DOCK3: variants seen among roughly 807,000 people sequenced by gnomAD.
DOCK3 encodes dedicator of cytokinesis protein 3.
DOCK3 carries 60 observed loss-of-function variants against 265.6 expected under a neutral mutation model. The observed-to-expected ratio is 0.23, with a 90% confidence interval of 0.18 to 0.28. DOCK3 has a LOEUF of 0.28. DOCK3 is among the 10% of genes least tolerant of loss of function. DOCK3 has a pLI of 1.00. For missense variants in DOCK3, 1,981 were observed against 2,594.3 expected, an observed-to-expected ratio of 0.76 and a Z score of 5.14; for synonymous variants, 881 against 938.0, an observed-to-expected ratio of 0.94 and a Z score of 1.11.
At chr3:51,199,992 A>G (rs2107984687) in intron 12 of DOCK3, among the ~76,000 whole-genome samples, 1 of 152,282 alleles carries the variant, frequency 6.6e-6, no homozygotes, top group African/African-American at 2.4e-5. Flanking sequence ...TAGAAGGAAA[A>G]CTAACAAACA....
At chr3:50,979,098 C>T (rs1441903460) in intron 5 of DOCK3, among the ~76,000 whole-genome samples, 1 of 152,188 alleles carries the variant, frequency 6.6e-6, no homozygotes, top group Non-Finnish European at 1.5e-5. Flanking sequence ...GCAGAAATCA[C>T]CCGTCTTCTG....
chr3:51,081,886 A>G (rs1490775561), intron 7 of DOCK3, among the ~76,000 whole-genome samples: 1 of 106,804 alleles, frequency 9.4e-6, no homozygotes, highest in Non-Finnish European at 1.9e-5. Flanking sequence ...ACAGAGCAAG[A>G]CTCTGTCTCA....
chr3:51,186,230 G>C (rs977899560), intron 12 of DOCK3, among the ~76,000 whole-genome samples: 1 of 152,180 alleles, frequency 6.6e-6, no homozygotes, highest in Non-Finnish European at 1.5e-5. Context: ...GGTAACTGGA[G>C]CAAAGATGAC....
intron 10 of DOCK3, among the ~76,000 whole-genome samples, chr3:51,151,783 G>A (rs2085611632): frequency 6.6e-6 from 1 of 152,086 alleles, no homozygotes. Flanking sequence ...ATGAAATTCT[G>A]GGTTGAAAAT....
intron 3 of DOCK3, among the ~76,000 whole-genome samples, chr3:50,866,759 T>C (rs1336354498): frequency 2.0e-5 from 3 of 151,408 alleles, no homozygotes; most frequent in African/African-American, 7.3e-5. Flanking sequence ...GATTTGTTTC[T>C]GGGTTCTCTA....
At chr3:50,883,793 A>C (rs764679792) in intron 3 of DOCK3, among the ~76,000 whole-genome samples, 16 of 152,208 alleles carry the variant, frequency 1.1e-4, no homozygotes. Flanking sequence ...CATTTAGTAC[A>C]TGCATAATGT....
intron 20 of DOCK3, 42 bp from the exon 21 acceptor site, chr3:51,237,448 G>T: frequency 1.3e-6 from 2 of 1,527,544 alleles, no homozygotes; most frequent in Non-Finnish European, 9.0e-7. Flanking sequence ...TAGATCTGAG[G>T]CCTCCAGTGA....
At chr3:51,242,001 G>T (rs1436881546) in intron 21 of DOCK3, among the ~76,000 whole-genome samples, 2 of 152,148 alleles carry the variant, frequency 1.3e-5, no homozygotes, top group African/African-American at 4.8e-5. Context: ...AAGGCTTTTT[G>T]AGTTGCCAGG....
intron 5 of DOCK3, among the ~76,000 whole-genome samples, chr3:51,059,380 C>T (rs962314629): frequency 1.3e-5 from 2 of 151,326 alleles, no homozygotes; most frequent in Middle Eastern, 3.2e-3. Flanking sequence ...ACATTTGGAC[C>T]ATAGCACACA....
At chr3:50,877,133 T>A (rs1296163310) in intron 3 of DOCK3, 1 of 277,216 alleles carries the variant, frequency 3.6e-6, no homozygotes, top group Admixed American at 4.6e-5. Flanking sequence ...CCAGGAAAAT[T>A]ACCAGGCATT....
At chr3:51,284,438 G>A (rs1317457000) in intron 27 of DOCK3, among the ~76,000 whole-genome samples, 3 of 152,152 alleles carry the variant, frequency 2.0e-5, no homozygotes, top group Non-Finnish European at 4.4e-5. Flanking sequence ...TTAGTTCTAG[G>A]AGCAGAAAGA....
intron 1 of DOCK3, among the ~76,000 whole-genome samples, chr3:50,762,257 A>G (rs1360028623): frequency 6.6e-6 from 1 of 152,144 alleles, no homozygotes; most frequent in Non-Finnish European, 1.5e-5. Context: ...AAGTATAAAA[A>G]AAGAAAAAAA....
In DOCK3 at chr3:50,819,568, G is replaced by A. The variant is rs141760613; in HGVS notation, c.122-22107G>A. Among the ~76,000 whole-genome samples, 64 of 152,234 alleles carry A rather than the reference G, an allele frequency of 4.2e-4. No individual in the cohort carries two copies. In the East Asian group the frequency reaches 9.1e-3, roughly 22 times the overall value. On this transcript the variant is annotated intron_variant, in intron 2 of 52. Coordinates refer to ENST00000266037, the MANE Select transcript of DOCK3 (RefSeq NM_004947.5). ...TCAAAGCTCACCAGAACCAGATGGC[G>A]ACAAAAGCGACCTCTAGTTGTCCTC...
chr3:51,199,246 T>C (rs2107969560), intron 12 of DOCK3, among the ~76,000 whole-genome samples: 1 of 152,296 alleles, frequency 6.6e-6, no homozygotes, highest in South Asian at 2.1e-4. Context: ...ATTGCATTAC[T>C]CGGGAAGCGC....
intron 5 of DOCK3, among the ~76,000 whole-genome samples, chr3:50,937,504 A>C (rs1490761323): frequency 6.6e-6 from 1 of 151,888 alleles, no homozygotes. Flanking sequence ...AATACAAAAA[A>C]ATTAGCCGGG....
intron 52 of DOCK3, 53 bp from the exon 53 acceptor site, chr3:51,380,997 A>C: frequency 1.3e-6 from 2 of 1,528,718 alleles, no homozygotes; most frequent in Non-Finnish European, 1.8e-6. Context: ...ATGGCGGGCA[A>C]GTCAGCCTGT....
At position 51,361,516 on chromosome 3, in the gene DOCK3, A is replaced by C. The variant is rs192944897; in HGVS notation, c.5007-343A>C. Among the ~76,000 whole-genome samples, 216 of 152,246 alleles carry C rather than the reference A, an allele frequency of 1.4e-3. No homozygotes were observed. Among genetic ancestry groups the C allele is most frequent in the African/African-American group, 5.0e-3 (209 of 41,516 alleles). On this transcript the variant is annotated intron_variant, in intron 47 of 52. Coordinates refer to ENST00000266037, the MANE Select transcript of DOCK3 (RefSeq NM_004947.5). This position sits in a 1 kb window ranked among gnomAD's most constrained non-coding sequence, Gnocchi z 4.2. The stretch of plus-strand genomic sequence containing the variant: ...GGGCACTGACCCAGACTAATACCCC[A>C]TAGAAAGGGGAACCTGAGGTCTTTG...
intron 2 of DOCK3, among the ~76,000 whole-genome samples, chr3:50,815,160 C>G (rs1350340804): frequency 6.6e-6 from 1 of 152,166 alleles, no homozygotes; most frequent in Non-Finnish European, 1.5e-5. Context: ...CAGTATAAAT[C>G]AAGACTTCTA....
At chr3:51,166,631 T>G (rs979956332) in intron 12 of DOCK3, among the ~76,000 whole-genome samples, 2 of 152,352 alleles carry the variant, frequency 1.3e-5, no homozygotes, top group African/African-American at 4.8e-5. Flanking sequence ...ACTTGTTATC[T>G]CTTGTTTTGT....
Sources: allele counts gnomAD v4.1 joint callset (sites outside exome capture counted in the v4.1 genomes callset), GRCh38; gene constraint gnomAD v4.1.1; non-coding constraint Gnocchi (gnomAD v3.1); transcripts MANE v1.5; gene names NCBI Gene and HGNC (gene_info 2026-07-23, HGNC 2026-07-21).